DNM3: variants seen among roughly 807,000 people sequenced by gnomAD.
DNM3 encodes the protein dynamin-3.
Under a neutral mutation model 101.6 loss-of-function variants are expected in DNM3, and 47 were observed. The ratio of observed to expected loss-of-function variants is 0.46; its 90% CI spans 0.37 to 0.59. The LOEUF is 0.59. Ranked by LOEUF, DNM3 falls within the 20% of genes least tolerant of loss-of-function variation. The probability of loss-of-function intolerance (pLI) is 0.00; values close to 1 mark genes in which losing one functional copy is unlikely to be tolerated. For synonymous variants in DNM3, 385 were observed against 387.9 expected, an observed-to-expected ratio of 0.99 and a Z score of 0.09; for missense variants, 849 against 1,085.7, an observed-to-expected ratio of 0.78 and a Z score of 3.06.
chr1:171,984,657 TCA>T (rs748756401), intron 2 of DNM3, among the ~76,000 whole-genome samples: 1 of 152,102 alleles, frequency 6.6e-6, no homozygotes, highest in Non-Finnish European at 1.5e-5. Context: ...GCACTTAGCA[TCA>T]CACACACACA....
At chr1:171,957,343 G>A (rs1571827550) in intron 2 of DNM3, among the ~76,000 whole-genome samples, 2 of 151,748 alleles carry the variant, frequency 1.3e-5, no homozygotes, top group Non-Finnish European at 2.9e-5. Context: ...GACTACAGGT[G>A]CCCGCCACCA....
At chr1:172,358,330 G>A (rs556249385) in intron 17 of DNM3, among the ~76,000 whole-genome samples, 2 of 152,114 alleles carry the variant, frequency 1.3e-5, no homozygotes, top group East Asian at 1.9e-4. Context: ...ATCTACTAAA[G>A]TAAAAGAAAT....
At chr1:172,337,274 T>C (rs928863521) in intron 17 of DNM3, among the ~76,000 whole-genome samples, 1 of 152,202 alleles carries the variant, frequency 6.6e-6, no homozygotes, top group Admixed American at 6.5e-5. Context: ...CTTATTCCAG[T>C]CTTCCCTAAA....
intron 14 of DNM3, among the ~76,000 whole-genome samples, chr1:172,161,165 G>A (rs1277640981): frequency 6.7e-6 from 1 of 150,364 alleles, no homozygotes; most frequent in African/African-American, 2.4e-5. Context: ...TTAGGCCGTG[G>A]TTTTCACCTC....
chr1:172,154,781 A>G (rs765645697), intron 14 of DNM3, among the ~76,000 whole-genome samples: 1 of 152,096 alleles, frequency 6.6e-6, no homozygotes, highest in African/African-American at 2.4e-5. Context: ...TAGTAATACA[A>G]CTATGACATG....
chr1:172,066,214 C>T (rs968335794), intron 10 of DNM3, among the ~76,000 whole-genome samples: 31 of 151,694 alleles, frequency 2.0e-4, no homozygotes, highest in Admixed American at 2.0e-4. Flanking sequence ...TGTGTGTGTG[C>T]ATGTGTGTGT....
intron 2 of DNM3, among the ~76,000 whole-genome samples, chr1:171,981,426 C>G (rs1024203200): frequency 6.6e-6 from 1 of 152,188 alleles, no homozygotes; most frequent in South Asian, 2.1e-4. Context: ...AAGACATATA[C>G]ATATTTTTAC....
chr1:171,967,499 C>T (rs2043670930), intron 2 of DNM3, among the ~76,000 whole-genome samples: 1 of 152,032 alleles, frequency 6.6e-6, no homozygotes. Flanking sequence ...TCCTTATTTT[C>T]CCAAGAAGAA....
intron 1 of DNM3, among the ~76,000 whole-genome samples, chr1:171,911,961 A>AG: frequency 6.6e-6 from 1 of 152,224 alleles, no homozygotes; most frequent in Admixed American, 6.5e-5. Context: ...CTTTGGTACC[A>AG]GGCCTTAGGG....
chr1:172,280,123 G>C (rs1483009386), intron 15 of DNM3, among the ~76,000 whole-genome samples: 1 of 151,950 alleles, frequency 6.6e-6, no homozygotes, highest in African/African-American at 2.4e-5. Flanking sequence ...CTGTCTGAGG[G>C]CCTTTGCATT....
intron 14 of DNM3, among the ~76,000 whole-genome samples, chr1:172,133,621 G>T (rs1020019250): frequency 6.6e-6 from 1 of 152,148 alleles, no homozygotes; most frequent in African/African-American, 2.4e-5. Context: ...AGTAATAAAT[G>T]TCAGATAGTA....
chr1:171,930,959 T>C (rs2040958505), intron 2 of DNM3, among the ~76,000 whole-genome samples: 1 of 152,080 alleles, frequency 6.6e-6, no homozygotes, highest in African/African-American at 2.4e-5. Flanking sequence ...GTATATCGCT[T>C]AGGGGGAGGT....
chr1:172,345,308 C>T (rs1425035420), intron 17 of DNM3, among the ~76,000 whole-genome samples: 1 of 152,138 alleles, frequency 6.6e-6, no homozygotes, highest in Non-Finnish European at 1.5e-5. Context: ...TCAGCTGTGT[C>T]TTGCTTTCTT....
At chr1:172,226,224 A>G (rs2061113992) in intron 14 of DNM3, among the ~76,000 whole-genome samples, 2 of 152,182 alleles carry the variant, frequency 1.3e-5, no homozygotes, top group Non-Finnish European at 2.9e-5. Context: ...TTTAAACAAA[A>G]CAAGACAGAA....
intron 17 of DNM3, among the ~76,000 whole-genome samples, chr1:172,343,631 C>T (rs935247063): frequency 1.3e-5 from 2 of 152,140 alleles, no homozygotes; most frequent in Non-Finnish European, 2.9e-5. Context: ...TAGAAGCAGC[C>T]AGCTGAAAAA....
intron 17 of DNM3, among the ~76,000 whole-genome samples, chr1:172,339,711 G>A (rs1010551857): frequency 1.3e-5 from 2 of 152,180 alleles, no homozygotes; most frequent in African/African-American, 4.8e-5. Flanking sequence ...TGTCCTGCCT[G>A]TTGGAGTTTG....
chr1:172,259,162 C>T (rs1420636705), intron 15 of DNM3, among the ~76,000 whole-genome samples: 5 of 151,698 alleles, frequency 3.3e-5, no homozygotes, highest in Non-Finnish European at 4.4e-5. Flanking sequence ...GTTTTGTGTC[C>T]TACTATATGG....
intron 4 of DNM3, among the ~76,000 whole-genome samples, chr1:172,026,133 AAC>A (rs1342109924): frequency 1.3e-5 from 2 of 152,274 alleles, no homozygotes; most frequent in African/African-American, 4.8e-5. Flanking sequence ...GGAGCTGAAA[AAC>A]ACAGCACGAG....
chr1:171,909,450 A>G lies in DNM3; in HGVS notation c.162-12298A>G, dbSNP rs1252840735. ...GAGACTCTGTCTTAAAAAAAAAAAA[A>G]AAAAAGTCAGAGGTGGAATCAGATT... On this transcript the variant is annotated intron_variant, in intron 1 of 20. Transcript: ENST00000627582. Among the ~76,000 whole-genome samples the G allele has an allele frequency of 2.6e-5, 4 of 151,936 alleles. No homozygotes were observed. In the East Asian group the frequency reaches 7.7e-4, roughly 29 times the overall value.
Sources: gnomAD v4.1 joint callset for allele counts (sites outside exome capture counted in the v4.1 genomes callset) on GRCh38, gnomAD v4.1.1 for gene constraint, MANE v1.5 for transcripts, NCBI Gene and HGNC (gene_info 2026-07-23, HGNC 2026-07-21) for gene names.